The following DUOX1 variants were observed in gnomAD, a reference collection of about 807,000 sequenced individuals.
DUOX1 encodes NADPH thyroid oxidase 1.
DUOX1 carries 134 observed loss-of-function variants against 181.8 expected under a neutral mutation model. The ratio of observed to expected loss-of-function variants is 0.74; its 90% CI spans 0.64 to 0.85. DUOX1 has a LOEUF of 0.85. Among genes scored for constraint, DUOX1 ranks in the 40% least tolerant of loss-of-function variants. The pLI is 0.00. For synonymous variants in DUOX1, 798 were observed against 832.5 expected (o/e 0.96, Z 0.71); for missense variants, 1,814 against 2,064.4 (o/e 0.88, Z 2.35).
chr15:45,153,255 A>C, intron 25 of DUOX1, 125 bp from the exon 26 acceptor site: 1 of 594,194 alleles, frequency 1.7e-6, no homozygotes, highest in Non-Finnish European at 3.1e-6. Context: ...AGAGGTCAGA[A>C]GTCGAGACTC....
At chr15:45,142,743 G>A (rs1027789371) in intron 15 of DUOX1, among the ~76,000 whole-genome samples, 3 of 138,624 alleles carry the variant, frequency 2.2e-5, no homozygotes, top group Admixed American at 1.5e-4. Context: ...AAGAAAGAGA[G>A]AGAGAGAGAA....
At position 45,139,496 on chromosome 15, in the gene DUOX1, A is replaced by C; in HGVS notation, c.1286A>C (p.Asp429Ala). Residue 429 changes from aspartate to alanine, a missense_variant, in exon 12 of 34, where the codon GAT becomes GCT. Transcript: ENST00000389037. ...HLASCLQRGRDLGLPSYTKAR... is the reference protein window; with the variant it reads ...HLASCLQRGRALGLPSYTKAR... Reference sequence around the variant, plus strand: ...GCCAGCTGCCTGCAGCGGGGCCGGGATCTGGGCCTGCCCTCTTACACCAAG... The same window carrying C: ...GCCAGCTGCCTGCAGCGGGGCCGGGCTCTGGGCCTGCCCTCTTACACCAAG... 6.2e-7 allele frequency: 1 copy of C among 1,613,282 alleles called. No homozygotes were observed.
chr15:45,135,574 C>T lies in DUOX1; in HGVS notation c.596C>T (p.Ser199Leu), dbSNP rs752282243. The T allele has an allele frequency of 2.6e-6, 4 of 1,560,604 alleles. No individual in the cohort carries two copies. Among genetic ancestry groups the T allele is most frequent in the African/African-American group, 2.7e-5 (2 of 73,792 alleles). The change falls in exon 6 of 34, where the codon TCG (serine) becomes TTG (leucine). Residue 199 changes from serine (S) to leucine (L), a missense_variant. Ser to Leu is a moderately radical substitution (Grantham distance 145, BLOSUM62 -2). This residue lies in a region of DUOX1 where 320 missense variants were observed against 313.1 expected (regional missense o/e 1.02). Coordinates refer to ENST00000389037, the MANE Select transcript of DUOX1 (RefSeq NM_175940.3). ...LRSFSRGQLA[S>L]GPDPAFPRDS... ...AGCTTCTCCAGGGGACAGCTGGCGT[C>T]GGGGCCCGACCCCGCTTTTCCCCGA...
In DUOX1 at chr15:45,147,497, A is replaced by C. The variant is rs201192500; in HGVS notation, c.2387A>C (p.Glu796Ala). The change falls in exon 19 of 34, where the codon GAG becomes GCG. Residue 796 changes from glutamate to alanine, a missense_variant. Glu to Ala is a moderately radical substitution (Grantham distance 107). Around this residue, in one of 5 missense-constraint regions of DUOX1, gnomAD observed 1,064 missense variants for 1,152.9 expected, o/e 0.92. Transcript: ENST00000389037. ...CTGGACTCCTCCCAGAAGGTGCGGG[A>C]GGCCCTGACCTGTGAGCTGAGCAGG... ...LPLDSSQKVREALTCELSRAE... is the reference protein window; with the variant it reads ...LPLDSSQKVRAALTCELSRAE... The C allele has an allele frequency of 6.2e-7, 1 of 1,614,060 alleles. No homozygotes were observed. The highest frequency in any genetic ancestry group is 1.3e-5 in the African/African-American group (1 of 75,048).
rs1382357024 is a variant in DUOX1, at chr15:45,135,205, G to A, written c.409G>A (p.Asp137Asn). The A allele has an allele frequency of 1.2e-6, 2 of 1,613,684 alleles. No homozygotes were observed. The highest frequency in any genetic ancestry group is 1.1e-5 in the South Asian group (1 of 91,080). Residue 137 changes from aspartate (D) to asparagine (N), a missense_variant, in exon 5 of 34, where the codon GAC (aspartate) becomes AAC (asparagine). Physicochemically the swap from Asp to Asn is conservative, Grantham distance 23. Around this residue, in one of 5 missense-constraint regions of DUOX1, gnomAD observed 320 missense variants for 313.1 expected, o/e 1.02. Transcript: ENST00000389037. ...GCCCGGAGACCCCATGTTCGACCCC[G>A]ACCAGCGCGGGGACGTGGTGCTGCC... ...IPPGDPMFDP[D>N]QRGDVVLPFQ... is the part of the protein sequence containing the mutation.
intron 21 of DUOX1, 35 bp from the exon 22 acceptor site, chr15:45,150,590 TCTGGACC>T (rs755897484): frequency 1.1e-5 from 18 of 1,599,278 alleles, no homozygotes; most frequent in Non-Finnish European, 1.5e-5. Context: ...CTTCCTGGGC[TCTGGACC>T]CTGAGCTGCT....
At chr15:45,148,648 A>G in intron 21 of DUOX1, 1 of 374,886 alleles carries the variant, frequency 2.7e-6, no homozygotes, top group African/African-American at 2.1e-5. Context: ...ATAATTTTAA[A>G]ATATTATTTT....
chr15:45,136,506 C>T (rs1304248605), intron 8 of DUOX1, 23 bp from the exon 9 acceptor site: 1 of 1,613,938 alleles, frequency 6.2e-7, no homozygotes, highest in Non-Finnish European at 8.5e-7. Context: ...ATTCTTCTGT[C>T]CTCTCTTCTC....
chr15:45,157,877 A>G (rs957738526), intron 28 of DUOX1, among the ~76,000 whole-genome samples: 2 of 152,012 alleles, frequency 1.3e-5, no homozygotes, highest in Admixed American at 6.6e-5. Flanking sequence ...ATGCTAGGCT[A>G]TCCTCACCAG....
rs529800628 is a variant in DUOX1 at position 45,135,901 on chromosome 15, G to A, written c.817G>A (p.Glu273Lys). 4.8e-6 allele frequency: 7 copies of A among 1,461,264 alleles called. No homozygotes were observed. The highest frequency in any genetic ancestry group is 2.5e-5 in the East Asian group (1 of 40,572). 90.5% of individuals were successfully genotyped at this position (1,461,264 alleles called of 1,614,324 possible). The change falls in exon 7 of 34, where the codon GAG (glutamate) becomes AAG (lysine). Residue 273 changes from glutamate (E) to lysine (K), a missense_variant. Physicochemically the swap from Glu to Lys is moderately conservative, Grantham distance 56. Transcript: ENST00000389037. ...CCGCCAGCACCCAGACTGGGAGGAC[G>A]AGGAGCTGTTCCAGCACGCACGCAA... The part of the protein sequence containing the change: ...LARQHPDWED[E>K]ELFQHARKRV...
In DUOX1 at chr15:45,160,718, G is replaced by A. The variant is rs902569320; in HGVS notation, c.3703-119G>A. The stretch of plus-strand genomic sequence containing the variant: ...TTGCAACCTAGAAGGAGCATGGTAC[G>A]TGGTGAGGTGGGGGCTGGATATACC... On this transcript the variant is annotated intron_variant, in intron 28 of 33. Coordinates refer to ENST00000389037, the MANE Select transcript of DUOX1 (RefSeq NM_175940.3). 3.1e-5 allele frequency: 41 copies of A among 1,315,916 alleles called. No homozygotes were observed. In the East Asian group the frequency reaches 7.4e-4, roughly 24 times the overall value. The allele number at this position is 1,315,916 out of a possible 1,614,324, so 81.5% of individuals were successfully genotyped here. A position where few individuals can be genotyped will look rare whatever the true frequency, so the allele number is the denominator to read the frequency against.
Position 45,147,462 on chromosome 15 carries a change from G to A in DUOX1, c.2352G>A (p.Gly784=). Residue 784 remains glycine (G), a synonymous_variant, in exon 19 of 34, where the codon GGG becomes GGA. Transcript: ENST00000389037. ...TGGACATCAACCAGGCCGACGCAGG[G>A]ACCCTGCCCCTGGACTCCTCCCAGA... ...QVLDINQADA[G]TLPLDSSQKV... 1.2e-6 allele frequency: 2 copies of A among 1,613,950 alleles called. No individual in the cohort carries two copies.
Position 45,136,573 on chromosome 15 carries a change from G to C in DUOX1, c.970G>C (p.Ala324Pro), listed in dbSNP as rs142038372. Residue 324 changes from alanine (A) to proline (P), a missense_variant, in exon 9 of 34, where the codon GCG (alanine) becomes CCG (proline). Ala to Pro is a conservative substitution (Grantham distance 27). Transcript: ENST00000389037. ...CCCCAGCATCTCCTCAGAGTTCGTG[G>C]CGGCCTCTGAGCAGTTCCTGTCCAC... ...LDPSISSEFV[A>P]ASEQFLSTMV... The C allele has an allele frequency of 6.9e-5, 112 of 1,614,002 alleles. No homozygotes were observed. The highest frequency in any genetic ancestry group is 9.4e-5 in the Non-Finnish European group (111 of 1,180,044).
At chr15:45,135,405 G>A (rs1896275518) in intron 5 of DUOX1, 69 bp from the exon 6 acceptor site, 27 of 1,507,284 alleles carry the variant, frequency 1.8e-5, no homozygotes, top group Non-Finnish European at 2.3e-5. Flanking sequence ...GCGGACACCC[G>A]CCGGGCCCCG....
chr15:45,154,290 T>C (rs191749785), intron 27 of DUOX1, among the ~76,000 whole-genome samples: 1 of 152,272 alleles, frequency 6.6e-6, no homozygotes, highest in East Asian at 1.9e-4. Context: ...TCCAGTGGAA[T>C]AGGAGTGGCT....
intron 24 of DUOX1, 68 bp from the exon 25 acceptor site, chr15:45,152,218 T>C: frequency 1.3e-6 from 2 of 1,496,614 alleles, no homozygotes; most frequent in Non-Finnish European, 1.8e-6. Flanking sequence ...GGCCAGGGCC[T>C]ACCGCCCCTA....
rs200153702 is a variant in DUOX1 at position 45,153,332 on chromosome 15, C to A, written c.3425-48C>A. ...CGATCTTGGGCTGAATGAGTGAGCA[C>A]CCACCCTGGGCTGCCCCAAGCTCAC... On this transcript the variant is annotated intron_variant, in intron 25 of 33. Transcript: ENST00000389037. 2.4e-4 allele frequency: 375 copies of A among 1,532,720 alleles called. 2 individuals carry two copies. In the African/African-American group the frequency reaches 4.8e-3, roughly 20 times the overall value. The allele number at this position is 1,532,720 out of a possible 1,614,324, so 94.9% of individuals were successfully genotyped here.
chr15:45,136,159 C>CA (rs59732348), intron 7 of DUOX1, among the ~76,000 whole-genome samples, 191 bp from the exon 8 acceptor site: 5,524 of 152,152 alleles, frequency 0.036, 333 homozygotes, highest in African/African-American at 0.13. Context: ...ATCACCTCCC[C>CA]ACCCCCCACT....
intron 11 of DUOX1, 65 bp from the exon 12 acceptor site, chr15:45,139,362 G>A: frequency 6.3e-7 from 1 of 1,594,738 alleles, no homozygotes; most frequent in Non-Finnish European, 8.5e-7. Flanking sequence ...GGAGCTTGGG[G>A]CCTGGACTGG....
Sources: gnomAD v4.1 joint callset for allele counts (sites outside exome capture counted in the v4.1 genomes callset) on GRCh38, gnomAD v4.1.1 for gene constraint, gnomAD v4.1.1 regional missense constraint, MANE v1.5 for transcripts, NCBI Gene and HGNC (gene_info 2026-07-23, HGNC 2026-07-21) for gene names.